PTN: variants seen among roughly 807,000 people sequenced by gnomAD.
PTN encodes heparin affin regulatory protein.
A neutral mutation model predicts 24.1 loss-of-function variants in PTN; 18 were observed. The observed-to-expected ratio is 0.75, with a 90% CI of 0.52 to 1.11. PTN has a LOEUF of 1.11. Among genes scored for constraint, PTN ranks in the 50% least tolerant of loss-of-function variants. The pLI is 0.00. For synonymous variants in PTN, 78 were observed against 68.6 expected, an observed-to-expected ratio of 1.14 and a Z score of -0.67; for missense variants, 163 against 198.8, an observed-to-expected ratio of 0.82 and a Z score of 1.08.
intron 3 of PTN, 112 bp downstream of exon 3, chr7:137,253,352 G>T: frequency 8.7e-7 from 1 of 1,155,798 alleles, no homozygotes; most frequent in Non-Finnish European, 1.2e-6. Context: ...CTTTGTGTCT[G>T]GTAAGATAAA....
intron 1 of PTN, among the ~76,000 whole-genome samples, chr7:137,327,411 T>G (rs1245628646): frequency 6.6e-6 from 1 of 152,076 alleles, no homozygotes; most frequent in African/African-American, 2.4e-5. Flanking sequence ...GGCCCCTCTG[T>G]TTTCTGTCTC....
chr7:137,331,552 G>A lies in PTN; in HGVS notation c.-2+11887C>T, dbSNP rs573779290. Among the ~76,000 whole-genome samples, 10 of 152,250 alleles carry A rather than the reference G, an allele frequency of 6.6e-5. 1 individual carries two copies. The highest frequency in any genetic ancestry group is 2.4e-4 in the African/African-American group (10 of 41,544). On this transcript the variant is annotated intron_variant, in intron 1 of 4. Coordinates refer to ENST00000348225, the MANE Select transcript of PTN (RefSeq NM_002825.7). ...TTAAACTCGAGCCAGTTGTTCACTC[G>A]TCATTCCAAATAATAACAGAGCAAA...
intron 1 of PTN, among the ~76,000 whole-genome samples, chr7:137,328,859 T>C (rs982528609): frequency 1.3e-5 from 2 of 152,156 alleles, no homozygotes; most frequent in African/African-American, 2.4e-5. Context: ...CTCTTGATCA[T>C]AAGGAGGTAG....
intron 2 of PTN, among the ~76,000 whole-genome samples, 196 bp downstream of exon 2, chr7:137,254,663 A>ACGT (rs751040877): frequency 4.5e-4 from 68 of 152,076 alleles, no homozygotes; most frequent in Non-Finnish European, 7.5e-4. Context: ...GCAATCCAAG[A>ACGT]CTTACAATGG....
At chr7:137,339,422 A>ATTG (rs778945954) in intron 1 of PTN, among the ~76,000 whole-genome samples, 25 of 152,014 alleles carry the variant, frequency 1.6e-4, no homozygotes, top group Admixed American at 2.0e-4. Context: ...GAAAAATTGT[A>ATTG]TTGTTGGAGT....
chr7:137,263,435 G>A (rs375846334), intron 1 of PTN, among the ~76,000 whole-genome samples: 12 of 152,224 alleles, frequency 7.9e-5, no homozygotes, highest in East Asian at 1.9e-4. Flanking sequence ...GCAAGTAGTC[G>A]AGAGCCAATC....
chr7:137,312,642 C>G (rs1295505705), intron 1 of PTN, among the ~76,000 whole-genome samples: 1 of 152,002 alleles, frequency 6.6e-6, no homozygotes, highest in Non-Finnish European at 1.5e-5. Context: ...AAGCTATTAA[C>G]CACTGGAGAG....
At chr7:137,251,149 C>T in intron 4 of PTN, 81 bp downstream of exon 4, 1 of 1,486,504 alleles carries the variant, frequency 6.7e-7, no homozygotes, top group Non-Finnish European at 9.3e-7. Flanking sequence ...CCTAATATTT[C>T]CTTCTGGAAA....
intron 1 of PTN, among the ~76,000 whole-genome samples, chr7:137,306,860 T>C (rs554392096): frequency 6.6e-6 from 1 of 152,228 alleles, no homozygotes; most frequent in South Asian, 2.1e-4. Context: ...GGACTAAATG[T>C]GGTGGGAAAA....
At chr7:137,283,554 A>G (rs922034450) in intron 1 of PTN, among the ~76,000 whole-genome samples, 1 of 152,224 alleles carries the variant, frequency 6.6e-6, no homozygotes, top group African/African-American at 2.4e-5. Flanking sequence ...TTAGAGACCT[A>G]GTGACATCTT....
chr7:137,255,694 A>G lies in PTN; in HGVS notation c.-1-720T>C, dbSNP rs192683990. Among the ~76,000 whole-genome samples, 5 of 152,352 alleles carry G rather than the reference A, an allele frequency of 3.3e-5. No individual in the cohort carries two copies. The East Asian group carries it at 7.7e-4, about 24-fold the overall frequency. ...CACTCACTCATAATAGGAAATGCTCACATTTGATGTGAATCAAAAATCCCA... is the reference window on the plus strand; with the variant it reads ...CACTCACTCATAATAGGAAATGCTCGCATTTGATGTGAATCAAAAATCCCA... On this transcript the variant is annotated intron_variant, in intron 1 of 4. Coordinates refer to ENST00000348225, the MANE Select transcript of PTN (RefSeq NM_002825.7).
intron 4 of PTN, among the ~76,000 whole-genome samples, chr7:137,247,248 A>T (rs1808739472): frequency 6.6e-6 from 1 of 152,202 alleles, no homozygotes; most frequent in African/African-American, 2.4e-5. Flanking sequence ...TATGATAGCT[A>T]AGATTTGGAA....
chr7:137,309,120 C>T (rs1416770037), intron 1 of PTN, among the ~76,000 whole-genome samples: 1 of 152,174 alleles, frequency 6.6e-6, no homozygotes, highest in East Asian at 1.9e-4. Context: ...GGAGATACTG[C>T]ACATTGGGTT....
At chr7:137,230,305 T>C (rs2128867055) in intron 4 of PTN, among the ~76,000 whole-genome samples, 1 of 151,980 alleles carries the variant, frequency 6.6e-6, no homozygotes, top group East Asian at 1.9e-4. Context: ...ACCCTGAACC[T>C]GACATTGGTG....
chr7:137,303,122 C>T (rs576535811), intron 1 of PTN, among the ~76,000 whole-genome samples: 1 of 152,018 alleles, frequency 6.6e-6, no homozygotes, highest in South Asian at 2.1e-4. Context: ...TTTTATATGG[C>T]TCTGAATTCC....
intron 4 of PTN, among the ~76,000 whole-genome samples, chr7:137,235,467 G>A (rs1008304736): frequency 1.3e-5 from 2 of 152,112 alleles, no homozygotes; most frequent in African/African-American, 4.8e-5. Context: ...CATAAATTAA[G>A]TGGCAAAATA....
At chr7:137,328,157 T>C (rs1025533391) in intron 1 of PTN, among the ~76,000 whole-genome samples, 7 of 152,328 alleles carry the variant, frequency 4.6e-5, no homozygotes, top group African/African-American at 1.4e-4. Context: ...AAAGACCCTT[T>C]TAAAAATTTT....
intron 4 of PTN, among the ~76,000 whole-genome samples, chr7:137,245,278 T>G (rs1371953854): frequency 1.3e-5 from 2 of 152,172 alleles, no homozygotes; most frequent in Non-Finnish European, 2.9e-5. Flanking sequence ...AAGAGCTGAG[T>G]GACTAGATTA....
At chr7:137,332,129 C>T (rs367854978) in intron 1 of PTN, among the ~76,000 whole-genome samples, 24 of 152,172 alleles carry the variant, frequency 1.6e-4, no homozygotes, top group Admixed American at 2.6e-4. Flanking sequence ...GCTGTTAAAA[C>T]ATATTGCATG....
Sources: allele counts gnomAD v4.1 joint callset (sites outside exome capture counted in the v4.1 genomes callset), GRCh38; gene constraint gnomAD v4.1.1; transcripts MANE v1.5; gene names NCBI Gene and HGNC (gene_info 2026-07-23, HGNC 2026-07-21).